The following TMEM74 variants were observed in gnomAD, a reference collection of about 807,000 sequenced individuals.
TMEM74 encodes transmembrane protein 74.
Under a neutral mutation model 18.1 loss-of-function variants are expected in TMEM74, and 13 were observed. The observed-to-expected ratio is 0.72, with a 90% CI of 0.47 to 1.14. The LOEUF (loss-of-function observed/expected upper bound fraction) is 1.14. Ranked by LOEUF, TMEM74 falls within the 50% of genes most tolerant of loss-of-function variation. The pLI is 0.00. For missense variants in TMEM74, 372 were observed against 375.9 expected (o/e 0.99, Z 0.09); for synonymous variants, 159 against 146.6 (o/e 1.08, Z -0.61).
chr8:108,725,899 A>G (rs780206179), intron 1 of TMEM74, among the ~76,000 whole-genome samples: 1 of 152,194 alleles, frequency 6.6e-6, no homozygotes, highest in Non-Finnish European at 1.5e-5. Flanking sequence ...TTTTGTAGGA[A>G]GTACTAATAT....
intron 1 of TMEM74, among the ~76,000 whole-genome samples, chr8:108,689,171 T>C (rs754923155): frequency 2.0e-5 from 3 of 152,186 alleles, no homozygotes; most frequent in African/African-American, 4.8e-5. Flanking sequence ...AAGTCCTGCA[T>C]TGGAAAAAAT....
intron 1 of TMEM74, among the ~76,000 whole-genome samples, chr8:108,754,627 C>T (rs904633828): frequency 6.6e-6 from 1 of 151,124 alleles, no homozygotes; most frequent in Admixed American, 6.6e-5. Flanking sequence ...AGAAACAGAG[C>T]CAATAGGATG....
At chr8:108,666,132 T>C (rs141825229) in intron 1 of TMEM74, among the ~76,000 whole-genome samples, 1 of 152,302 alleles carries the variant, frequency 6.6e-6, no homozygotes, top group African/African-American at 2.4e-5. Context: ...TTATTTGGAC[T>C]GAATGAATCC....
chr8:108,671,043 A>C (rs983324348), intron 1 of TMEM74, among the ~76,000 whole-genome samples: 1 of 152,190 alleles, frequency 6.6e-6, no homozygotes, highest in Non-Finnish European at 1.5e-5. Context: ...CAGTTTCATT[A>C]GTCCTCTCAG....
intron 1 of TMEM74, among the ~76,000 whole-genome samples, chr8:108,678,569 C>T (rs1360665707): frequency 2.0e-5 from 3 of 150,082 alleles, no homozygotes; most frequent in East Asian, 2.0e-4. Flanking sequence ...GACAAGGTCT[C>T]GCCATGTTGG....
chr8:108,679,521 T>C (rs1813090959), intron 1 of TMEM74, among the ~76,000 whole-genome samples: 1 of 152,242 alleles, frequency 6.6e-6, no homozygotes, highest in Non-Finnish European at 1.5e-5. Context: ...TTTTTTCATG[T>C]GTCTTTTGGC....
intron 1 of TMEM74, among the ~76,000 whole-genome samples, chr8:108,660,297 G>A (rs111237248): frequency 0.026 from 3,906 of 152,166 alleles, 183 homozygotes; most frequent in African/African-American, 0.09. Context: ...CTCAGCTTTT[G>A]CATCCTTGGC....
At chr8:108,722,863 T>C (rs1316265121) in intron 1 of TMEM74, among the ~76,000 whole-genome samples, 1 of 152,208 alleles carries the variant, frequency 6.6e-6, no homozygotes, top group East Asian at 1.9e-4. Flanking sequence ...ATGTAGAGGT[T>C]AAGAATTATA....
At chr8:108,616,402 AG>A (rs966619014) in intron 2 of TMEM74, among the ~76,000 whole-genome samples, 1 of 152,230 alleles carries the variant, frequency 6.6e-6, no homozygotes, top group African/African-American at 2.4e-5. Flanking sequence ...TCTGCATTGT[AG>A]AATCCCAGTT....
intron 1 of TMEM74, among the ~76,000 whole-genome samples, chr8:108,691,930 T>A (rs1045116860): frequency 6.6e-6 from 1 of 152,184 alleles, no homozygotes; most frequent in Non-Finnish European, 1.5e-5. Context: ...AGATTTTTTT[T>A]AAAACTCTCA....
chr8:108,754,042 G>C (rs551928273), intron 1 of TMEM74, among the ~76,000 whole-genome samples: 1 of 152,014 alleles, frequency 6.6e-6, no homozygotes, highest in African/African-American at 2.4e-5. Context: ...CTGAGAATTT[G>C]CTTATCTTAA....
chr8:108,608,830 G>A (rs762594611), intron 2 of TMEM74: 5 of 152,056 alleles, frequency 3.3e-5, no homozygotes, highest in Non-Finnish European at 4.4e-5. Flanking sequence ...AACATTACTG[G>A]ATATGGAATG....
chr8:108,730,634 C>CT (rs1199122765), intron 1 of TMEM74, among the ~76,000 whole-genome samples: 2,828 of 132,130 alleles, frequency 0.021, 116 homozygotes, highest in African/African-American at 0.051. Flanking sequence ...TGCAGACTTC[C>CT]TTTTTTTTTT....
At chr8:108,752,622 G>A (rs751044948) in intron 1 of TMEM74, among the ~76,000 whole-genome samples, 2 of 151,924 alleles carry the variant, frequency 1.3e-5, no homozygotes, top group East Asian at 1.9e-4. Flanking sequence ...GATTTCAACC[G>A]ACCTTATTGT....
At chr8:108,662,394 CAG>C (rs1440851085) in intron 1 of TMEM74, among the ~76,000 whole-genome samples, 1 of 152,004 alleles carries the variant, frequency 6.6e-6, no homozygotes, top group Non-Finnish European at 1.5e-5. Flanking sequence ...AACAAGGAGA[CAG>C]AGAACAGGAA....
At chr8:108,744,717 T>C (rs1813832904) in intron 1 of TMEM74, among the ~76,000 whole-genome samples, 1 of 152,184 alleles carries the variant, frequency 6.6e-6, no homozygotes, top group Non-Finnish European at 1.5e-5. Context: ...AGGGTGGAAA[T>C]GAACAGGCTT....
intron 2 of TMEM74, among the ~76,000 whole-genome samples, chr8:108,610,758 G>C (rs1342430370): frequency 6.6e-6 from 1 of 152,186 alleles, no homozygotes; most frequent in African/African-American, 2.4e-5. Flanking sequence ...AGGGGAGAAA[G>C]GCTAAACAGG....
rs765455948 is a variant in TMEM74 at position 108,755,763 on chromosome 8, G to A, written n.119+31713C>T. Among the ~76,000 whole-genome samples, 16 of 151,976 alleles carry A rather than the reference G, an allele frequency of 1.1e-4. 1 individual carries two copies. Among genetic ancestry groups the A allele is most frequent in the Admixed American group, 6.6e-4 (10 of 15,230 alleles). On this transcript the variant is annotated intron_variant and non_coding_transcript_variant, in intron 1 of 3. Transcript: ENST00000518838. ...TAAAATAGGAGATACATGCAAAAAC[G>A]TACTGTTAAGAGTCAGAGTAGAACA...
intron 1 of TMEM74, among the ~76,000 whole-genome samples, chr8:108,668,521 G>A (rs1400932963): frequency 1.3e-5 from 2 of 152,070 alleles, no homozygotes; most frequent in Non-Finnish European, 2.9e-5. Context: ...TGGTAATTCT[G>A]TGTCTACTGG....
Sources: allele counts gnomAD v4.1 joint callset (sites outside exome capture counted in the v4.1 genomes callset), GRCh38; gene constraint gnomAD v4.1.1; transcripts MANE v1.5; gene names NCBI Gene and HGNC (gene_info 2026-07-23, HGNC 2026-07-21).